KLHL2: variants seen among roughly 807,000 people sequenced by gnomAD.
KLHL2 encodes the protein kelch-like protein 2.
Under a neutral mutation model 75.8 loss-of-function variants are expected in KLHL2, and 15 were observed. The observed-to-expected ratio is 0.20, with a 90% confidence interval of 0.13 to 0.30. KLHL2 has a LOEUF of 0.30. Among genes scored for constraint, KLHL2 ranks in the 10% least tolerant of loss-of-function variants. The probability of loss-of-function intolerance (pLI) is 1.00; values close to 1 mark genes in which losing one functional copy is unlikely to be tolerated. For missense variants in KLHL2, 381 were observed against 741.0 expected (o/e 0.51, Z 5.64); for synonymous variants, 214 against 251.9 (o/e 0.85, Z 1.42).
chr4:165,287,420 G>A (rs1744174181), intron 5 of KLHL2, among the ~76,000 whole-genome samples: 1 of 152,054 alleles, frequency 6.6e-6, no homozygotes, highest in Non-Finnish European at 1.5e-5. Context: ...ACCTGCTTCT[G>A]CCTCTTGCTA....
chr4:165,259,166 G>A (rs1033988624), intron 4 of KLHL2, among the ~76,000 whole-genome samples: 8 of 151,428 alleles, frequency 5.3e-5, no homozygotes, highest in African/African-American at 1.2e-4. Flanking sequence ...ACAGTGGTCC[G>A]ATCTTGGCTC....
chr4:165,290,305 G>C (rs1209480510), intron 5 of KLHL2, among the ~76,000 whole-genome samples: 1 of 152,082 alleles, frequency 6.6e-6, no homozygotes, highest in East Asian at 1.9e-4. Context: ...ACCATGCCCA[G>C]CTAATTTTTT....
At chr4:165,279,642 C>T in intron 5 of KLHL2, 1 of 1,611,042 alleles carries the variant, frequency 6.2e-7, no homozygotes, top group East Asian at 2.2e-5. Flanking sequence ...TTTGAGGCTG[C>T]CATGAAACCA....
intron 1 of KLHL2, among the ~76,000 whole-genome samples, chr4:165,208,781 G>C (rs960668229): frequency 6.6e-6 from 1 of 152,086 alleles, no homozygotes; most frequent in Non-Finnish European, 1.5e-5. Context: ...CTTTGAATCT[G>C]ACTTTTCAAA....
At chr4:165,226,509 C>G (rs187132803) in intron 2 of KLHL2, among the ~76,000 whole-genome samples, 1 of 152,068 alleles carries the variant, frequency 6.6e-6, no homozygotes, top group Non-Finnish European at 1.5e-5. Flanking sequence ...ATCTTTATTA[C>G]GGTGCTTTCC....
chr4:165,263,890 A>C (rs1399794183), intron 5 of KLHL2, among the ~76,000 whole-genome samples: 30 of 141,382 alleles, frequency 2.1e-4, no homozygotes, highest in Non-Finnish European at 3.2e-4. Flanking sequence ...ATATAGATAC[A>C]TTTGGTGGAG....
At chr4:165,281,416 C>T (rs535513666) in intron 5 of KLHL2, among the ~76,000 whole-genome samples, 13 of 149,662 alleles carry the variant, frequency 8.7e-5, no homozygotes, top group East Asian at 4.0e-4. Context: ...CCCGGGTTCA[C>T]GCCATTCTCC....
At chr4:165,293,452 T>G (rs1224330735) in intron 5 of KLHL2, among the ~76,000 whole-genome samples, 3 of 152,132 alleles carry the variant, frequency 2.0e-5, no homozygotes, top group African/African-American at 7.2e-5. Context: ...AATAAACTAT[T>G]TATTTAGAAT....
At chr4:165,218,623 C>T (rs971604240) in intron 1 of KLHL2, among the ~76,000 whole-genome samples, 3 of 152,116 alleles carry the variant, frequency 2.0e-5, no homozygotes, top group African/African-American at 7.2e-5. Flanking sequence ...CCCTTTCCCC[C>T]CACCAGACTC....
rs977157091 is a variant in KLHL2 at position 165,303,512 on chromosome 4, G to T, written c.922-2096G>T. Among the ~76,000 whole-genome samples, 29 of 100,636 alleles carry T rather than the reference G, an allele frequency of 2.9e-4. 1 individual carries two copies. The highest frequency in any genetic ancestry group is 7.2e-4 in the African/African-American group (23 of 31,746). 66.0% of individuals were successfully genotyped at this position (100,636 alleles called of 152,430 possible). A position where few individuals can be genotyped will look rare whatever the true frequency, so the allele number is the denominator to read the frequency against. On this transcript the variant is annotated intron_variant, in intron 8 of 14. Transcript: ENST00000226725. ...CAACCTTGCCCCCCCCGCCGTTTTT[G>T]GGTGGTCAGAGGTGAGGGTATTGTA...
chr4:165,237,013 G>A (rs1405582871), intron 3 of KLHL2, among the ~76,000 whole-genome samples: 3 of 149,070 alleles, frequency 2.0e-5, no homozygotes, highest in Non-Finnish European at 3.0e-5. Flanking sequence ...AGTACTGGCT[G>A]TTTGGCTTTG....
intron 8 of KLHL2, among the ~76,000 whole-genome samples, chr4:165,303,532 A>G (rs1745501712): frequency 7.1e-6 from 1 of 141,210 alleles, no homozygotes. Flanking sequence ...AGGTGAGGGT[A>G]TTGTATATTT....
At chr4:165,288,750 T>C (rs1281730010) in intron 5 of KLHL2, among the ~76,000 whole-genome samples, 1 of 152,068 alleles carries the variant, frequency 6.6e-6, no homozygotes, top group East Asian at 1.9e-4. Context: ...GATTTCAAAA[T>C]TGCTCTCTGT....
At chr4:165,248,360 A>G (rs919248379) in intron 4 of KLHL2, among the ~76,000 whole-genome samples, 12 of 152,216 alleles carry the variant, frequency 7.9e-5, no homozygotes, top group African/African-American at 2.9e-4. Context: ...TTGTAGTACC[A>G]TACTAAATCT....
At chr4:165,245,841 C>G (rs945428490) in intron 4 of KLHL2, among the ~76,000 whole-genome samples, 2 of 152,120 alleles carry the variant, frequency 1.3e-5, no homozygotes, top group African/African-American at 4.8e-5. Flanking sequence ...TTCCCTATAT[C>G]TAAGCTGTTG....
At chr4:165,302,629 A>G (rs1466291951) in intron 8 of KLHL2, among the ~76,000 whole-genome samples, 1 of 152,012 alleles carries the variant, frequency 6.6e-6, no homozygotes, top group African/African-American at 2.4e-5. Context: ...CTTCTTTTGT[A>G]TTTTGTTAGC....
intron 13 of KLHL2, among the ~76,000 whole-genome samples, chr4:165,315,580 A>G (rs1250151422): frequency 2.0e-4 from 31 of 152,202 alleles, no homozygotes; most frequent in Admixed American, 2.0e-3. Context: ...TACTTCTATA[A>G]TTTACAAGAT....
chr4:165,263,247 T>C lies in KLHL2; in HGVS notation c.432T>C (p.Thr144=), dbSNP rs1741844883. The C allele has an allele frequency of 1.9e-6, 3 of 1,614,082 alleles. No homozygotes were observed. Among genetic ancestry groups the C allele is most frequent in the Non-Finnish European group, 1.7e-6 (2 of 1,179,976 alleles). Residue 144 remains threonine, a synonymous_variant, in exon 5 of 15, where the codon ACT becomes ACC. Coordinates refer to ENST00000226725, the MANE Select transcript of KLHL2 (RefSeq NM_007246.4). ...GLLQLQDVKK[T]CCEFLESQLH... is the part of the protein sequence containing the mutation. ...TACAGTTACAGGATGTGAAGAAGACTTGTTGTGAATTTTTGGAATCCCAGC... is the reference window on the plus strand; with the variant it reads ...TACAGTTACAGGATGTGAAGAAGACCTGTTGTGAATTTTTGGAATCCCAGC...
At chr4:165,215,187 A>G (rs535449317) in intron 1 of KLHL2, among the ~76,000 whole-genome samples, 10 of 152,290 alleles carry the variant, frequency 6.6e-5, no homozygotes, top group Non-Finnish European at 1.0e-4. Context: ...TGAAATCACA[A>G]CCCTACCATA....
Sources: allele counts gnomAD v4.1 joint callset (sites outside exome capture counted in the v4.1 genomes callset), GRCh38; gene constraint gnomAD v4.1.1; transcripts MANE v1.5; gene names NCBI Gene and HGNC (gene_info 2026-07-23, HGNC 2026-07-21).